OXNAD1: variants seen among roughly 807,000 people sequenced by gnomAD.
The protein encoded by OXNAD1 is oxidoreductase NAD binding domain containing 1.
In OXNAD1, 34 loss-of-function variants were observed where a neutral mutation model predicts 32.9. The ratio of observed to expected loss-of-function variants is 1.03; its 90% CI spans 0.79 to 1.38. The LOEUF is 1.38. Ranked by LOEUF, OXNAD1 falls within the 40% of genes most tolerant of loss-of-function variation. The pLI is 0.00. For synonymous variants in OXNAD1, 134 were observed against 135.2 expected (o/e 0.99, Z 0.06); for missense variants, 407 against 379.4 (o/e 1.07, Z -0.60).
At chr3:16,270,523 G>A (rs2064850049) in intron 2 of OXNAD1, among the ~76,000 whole-genome samples, 1 of 152,020 alleles carries the variant, frequency 6.6e-6, no homozygotes. Context: ...CTTCTTGTTT[G>A]GGAACCGTTG....
At chr3:16,326,939 G>T in intron 9 of OXNAD1, 1 of 1,281,268 alleles carries the variant, frequency 7.8e-7, no homozygotes, top group South Asian at 1.2e-5. Flanking sequence ...GGCAATGAGA[G>T]GGGACTATTC....
In OXNAD1 at chr3:16,301,590, A is replaced by G; in HGVS notation, c.433-36A>G. On this transcript the variant is annotated intron_variant, in intron 6 of 8. Coordinates refer to ENST00000285083, the MANE Select transcript of OXNAD1 (RefSeq NM_138381.5). This position sits in a 1 kb window ranked among gnomAD's most constrained non-coding sequence, Gnocchi z 4.1. Reference sequence around the variant, plus strand: ...GAACATTTGGTTTAAGACCTTTGCTACAAAAGACTAAAAGGTCTTTTCTTT... The same window carrying G: ...GAACATTTGGTTTAAGACCTTTGCTGCAAAAGACTAAAAGGTCTTTTCTTT... The G allele has an allele frequency of 2.5e-6, 4 of 1,611,104 alleles. No individual in the cohort carries two copies. The highest frequency in any genetic ancestry group is 3.4e-6 in the Non-Finnish European group (4 of 1,178,226).
intron 9 of OXNAD1, chr3:16,315,478 T>G (rs964198960): frequency 2.0e-5 from 3 of 149,660 alleles, no homozygotes; most frequent in Non-Finnish European, 4.5e-5. Flanking sequence ...ATTTAAAAAG[T>G]TATTCAGAAA....
At position 16,316,839 on chromosome 3, in the gene OXNAD1, C is replaced by T; in HGVS notation, c.*30+13247C>T. Reference sequence around the variant, plus strand: ...AAATTGCCCAAGACTCAGTTTTCTTCAACCGTACCAAGCTCTCTGACTTCC... The same window carrying T: ...AAATTGCCCAAGACTCAGTTTTCTTTAACCGTACCAAGCTCTCTGACTTCC... On this transcript the variant is annotated intron_variant, in intron 9 of 9. Coordinates refer to the OXNAD1 transcript ENST00000435829. The surrounding 1 kb of genome is among the most constrained non-coding windows in gnomAD (Gnocchi z 4.5). 6.2e-7 allele frequency: 1 copy of T among 1,613,980 alleles called. No homozygotes were observed. Among genetic ancestry groups the T allele is most frequent in the Non-Finnish European group, 8.5e-7 (1 of 1,179,996 alleles).
chr3:16,295,741 C>G (rs867719212), intron 6 of OXNAD1, among the ~76,000 whole-genome samples: 1 of 152,180 alleles, frequency 6.6e-6, no homozygotes, highest in African/African-American at 2.4e-5. Context: ...CAACAACCTC[C>G]ATCCCAACCA....
Position 16,299,712 on chromosome 3 carries a change from A to G in OXNAD1, c.433-1914A>G, listed in dbSNP as rs1226576433. 6.6e-6 allele frequency among the ~76,000 whole-genome samples: 1 copy of G among 152,228 alleles called. No individual in the cohort carries two copies. ...AATGCTAAGGGTTTGGTTCTCAAAA[A>G]GCACGCGATGTGTTATTACTTCTTA... On this transcript the variant is annotated intron_variant, in intron 6 of 8. Transcript: ENST00000285083. The surrounding 1 kb of genome is among the most constrained non-coding windows in gnomAD (Gnocchi z 4.4).
rs956253650 is a variant in OXNAD1 at position 16,317,372 on chromosome 3, G to A, written c.*30+13780G>A. 1.1e-5 allele frequency: 9 copies of A among 849,218 alleles called. No homozygotes were observed. In the African/African-American group the frequency reaches 1.4e-4, roughly 13 times the overall value. 52.6% of individuals were successfully genotyped at this position (849,218 alleles called of 1,614,324 possible). On this transcript the variant is annotated intron_variant, in intron 9 of 9. Transcript: ENST00000435829. The surrounding 1 kb of genome is among the most constrained non-coding windows in gnomAD (Gnocchi z 4.3). ...AGCATCCCCCAGCCAGGCAGTACAG[G>A]CACCAAACTTGAATCGCACACTATC...
rs2067353162 is a variant in OXNAD1 at position 16,303,762 on chromosome 3, CTA to C, written c.*202_*203del. 2.2e-6 allele frequency: 1 copy of C among 462,714 alleles called. No individual in the cohort carries two copies. Among genetic ancestry groups the C allele is most frequent in the Admixed American group, 3.9e-5 (1 of 25,792 alleles). 28.7% of individuals were successfully genotyped at this position (462,714 alleles called of 1,614,324 possible). A position where few individuals can be genotyped will look rare whatever the true frequency, so the allele number is the denominator to read the frequency against. On this transcript the variant is annotated 3_prime_UTR_variant, in exon 9 of 9. Coordinates refer to ENST00000285083, the MANE Select transcript of OXNAD1 (RefSeq NM_138381.5). This position sits in a 1 kb window ranked among gnomAD's most constrained non-coding sequence, Gnocchi z 4.8. ...TTTTGCAAAGACCTCAGTGATCAAA[CTA>C]TTTTTTACTATACTGATTTTCTGTT...
At chr3:16,325,905 T>C (rs1470732306) in intron 9 of OXNAD1, among the ~76,000 whole-genome samples, 3 of 152,198 alleles carry the variant, frequency 2.0e-5, no homozygotes, top group African/African-American at 7.2e-5. Context: ...GGTGGAGCTC[T>C]GGGGGCCACA....
rs2067336624 is a variant in OXNAD1, at chr3:16,303,557, T to C, written c.934T>C (p.Trp312Arg). Residue 312 changes from tryptophan (W) to arginine (R), a missense_variant, in exon 9 of 9, where the codon TGG becomes CGG. Coordinates refer to ENST00000285083, the MANE Select transcript of OXNAD1 (RefSeq NM_138381.5). The surrounding 1 kb of genome is among the most constrained non-coding windows in gnomAD (Gnocchi z 4.8). The part of the protein sequence containing the change: ...PKEHICFEKW[W>R] ...AGAACACATTTGCTTTGAGAAGTGG[T>C]GGTAGGAGGCAGACAAAGGCAGAAA... 2 of 1,613,516 alleles carry C rather than the reference T, an allele frequency of 1.2e-6. No homozygotes were observed. Among genetic ancestry groups the C allele is most frequent in the African/African-American group, 1.3e-5 (1 of 74,852 alleles).
Position 16,320,950 on chromosome 3 carries a change from T to C in OXNAD1, c.*31-16162T>C, listed in dbSNP as rs113041905. Among the ~76,000 whole-genome samples the C allele has an allele frequency of 3.0e-3, 457 of 152,318 alleles. 3 individuals are homozygous for C. The highest frequency in any genetic ancestry group is 0.011 in the African/African-American group (440 of 41,580). On this transcript the variant is annotated intron_variant, in intron 9 of 9. Coordinates refer to the OXNAD1 transcript ENST00000435829. The surrounding 1 kb of genome is among the most constrained non-coding windows in gnomAD (Gnocchi z 4.5). ...ACTTGGGCTCTGAATAGGGAACCTA[T>C]TTGAAGGGGATATCTATTATTAGGA...
Position 16,287,861 on chromosome 3 carries a change from A to G in OXNAD1, c.290+1413A>G, listed in dbSNP as rs776558779. Among the ~76,000 whole-genome samples, 4 of 152,224 alleles carry G rather than the reference A, an allele frequency of 2.6e-5. No homozygotes were observed. The highest frequency in any genetic ancestry group is 4.4e-5 in the Non-Finnish European group (3 of 68,030). ...AAATGATTTGGGATTGGTGTCATGTATACCATCCCAATGAATGGATTTGGC... is the reference window on the plus strand; with the variant it reads ...AAATGATTTGGGATTGGTGTCATGTGTACCATCCCAATGAATGGATTTGGC... On this transcript the variant is annotated intron_variant, in intron 5 of 8. Transcript: ENST00000285083. This position sits in a 1 kb window ranked among gnomAD's most constrained non-coding sequence, Gnocchi z 4.8.
chr3:16,278,853 A>G (rs1566972), intron 4 of OXNAD1, among the ~76,000 whole-genome samples: 62,203 of 152,000 alleles, frequency 0.41, 12,914 homozygotes, highest in South Asian at 0.53. Context: ...TGATTTTCCA[A>G]TGCTTATAAT....
downstream of OXNAD1, among the ~76,000 whole-genome samples, chr3:16,309,995 A>C (rs973211246): frequency 1.3e-5 from 2 of 152,232 alleles, no homozygotes; most frequent in Non-Finnish European, 2.9e-5. Flanking sequence ...CAGAATAAGA[A>C]GACATTGTCT....
At chr3:16,330,625 C>T (rs889861545) in intron 9 of OXNAD1, among the ~76,000 whole-genome samples, 2 of 152,196 alleles carry the variant, frequency 1.3e-5, no homozygotes, top group Non-Finnish European at 2.9e-5. Flanking sequence ...ACGTAATCTC[C>T]GATCACACCT....
In OXNAD1 at chr3:16,327,376, T is replaced by TA. The variant is rs764758386; in HGVS notation, c.*31-9735dup. On this transcript the variant is annotated intron_variant, in intron 9 of 9. Transcript: ENST00000435829. The surrounding 1 kb of genome is among the most constrained non-coding windows in gnomAD (Gnocchi z 4.2). ...CACGCAGAAGCTGCTTTGCCTGTGT[T>TA]ATGTGCCCTGCCTTGCAGGGATAAA... Among the ~76,000 whole-genome samples the TA allele has an allele frequency of 5.3e-5, 8 of 152,194 alleles. No individual in the cohort carries two copies. The highest frequency in any genetic ancestry group is 1.0e-4 in the Non-Finnish European group (7 of 68,016).
At position 16,346,313 on chromosome 3, in the gene OXNAD1, TA is replaced by T; in HGVS notation, c.*31-2858del. The T allele has an allele frequency of 6.6e-6, 1 of 152,336 alleles. No homozygotes were observed. The highest frequency in any genetic ancestry group is 1.5e-5 in the Non-Finnish European group (1 of 68,018). 9.4% of individuals were successfully genotyped at this position (152,336 alleles called of 1,614,324 possible). The stretch of plus-strand genomic sequence containing the variant: ...AATATTTATTTGTTGGATAAATTTT[TA>T]AAAAGATATAACTTACTTGTATCAC... On this transcript the variant is annotated intron_variant, in intron 9 of 9. Transcript: ENST00000606098. The surrounding 1 kb of genome is among the most constrained non-coding windows in gnomAD (Gnocchi z 4.4).
At position 16,305,895 on chromosome 3, in the gene OXNAD1, A is replaced by T. The variant is rs1326997992; in HGVS notation, c.*2333A>T. 2 of 151,786 alleles carry T rather than the reference A, an allele frequency of 1.3e-5. No homozygotes were observed. Among genetic ancestry groups the T allele is most frequent in the Non-Finnish European group, 2.9e-5 (2 of 67,920 alleles). 9.4% of individuals were successfully genotyped at this position (151,786 alleles called of 1,614,324 possible). A position where few individuals can be genotyped will look rare whatever the true frequency, so the allele number is the denominator to read the frequency against. On this transcript the variant is annotated 3_prime_UTR_variant, in exon 9 of 9. Coordinates refer to ENST00000285083, the MANE Select transcript of OXNAD1 (RefSeq NM_138381.5). This position sits in a 1 kb window ranked among gnomAD's most constrained non-coding sequence, Gnocchi z 4.5. ...ACTGCATGAGTGTGTTGTCGTTATT[A>T]ATTTGCTATTCCTTGTCCTATTCAG...
rs754652628 is a variant in OXNAD1 at position 16,317,223 on chromosome 3, G to A, written c.*30+13631G>A. Reference sequence around the variant, plus strand: ...TTGTGCATTTCTTCTCTGGAGAATCGCCACTGAAACTAGAAATCAGAAAGG... The same window carrying A: ...TTGTGCATTTCTTCTCTGGAGAATCACCACTGAAACTAGAAATCAGAAAGG... On this transcript the variant is annotated intron_variant, in intron 9 of 9. Coordinates refer to the OXNAD1 transcript ENST00000435829. This position sits in a 1 kb window ranked among gnomAD's most constrained non-coding sequence, Gnocchi z 4.3. 10 of 1,611,888 alleles carry A rather than the reference G, an allele frequency of 6.2e-6. No homozygotes were observed. Among genetic ancestry groups the A allele is most frequent in the Admixed American group, 1.7e-5 (1 of 59,894 alleles).
Sources: allele counts gnomAD v4.1 joint callset (sites outside exome capture counted in the v4.1 genomes callset), GRCh38; gene constraint gnomAD v4.1.1; non-coding constraint Gnocchi (gnomAD v3.1); transcripts MANE v1.5; gene names NCBI Gene and HGNC (gene_info 2026-07-23, HGNC 2026-07-21).